Variants in PRH1 observed in about 807,000 individuals in gnomAD.
PRH1 encodes proline rich protein HaeIII subfamily 1.
In PRH1, 7 loss-of-function variants were observed where a neutral mutation model predicts 7.9. That is an observed-to-expected ratio of 0.89 (90% CI 0.50 to 1.67). The LOEUF (loss-of-function observed/expected upper bound fraction) is 1.67. Ranked by LOEUF, PRH1 falls within the 40% of genes most tolerant of loss-of-function variation. PRH1 has a pLI of 0.00. For missense variants in PRH1, 109 were observed against 223.6 expected (o/e 0.49, Z 3.27); for synonymous variants, 45 against 80.8 (o/e 0.56, Z 2.38).
At chr12:11,086,128 C>G (rs1408769960) in intron 1 of PRH1, among the ~76,000 whole-genome samples, 32,317 of 81,730 alleles carry the variant, frequency 0.4, 3,168 homozygotes, top group Non-Finnish European at 0.49. Flanking sequence ...ACACACCCCT[C>G]ATGGTTGAGT....
chr12:10,929,599 G>T (rs1414540179), intron 2 of PRH1, among the ~76,000 whole-genome samples: 1 of 152,200 alleles, frequency 6.6e-6, no homozygotes, highest in Non-Finnish European at 1.5e-5. Context: ...ACATGGGACT[G>T]CTGGGAAGGA....
At position 11,018,979 on chromosome 12, in the gene PRH1, A is replaced by G. The variant is rs143046500; in HGVS notation, c.-126+28041T>C. On this transcript the variant is annotated intron_variant, in intron 1 of 3. Coordinates refer to the PRH1 transcript ENST00000539853. ...AGTAGAAAGCGGGGAAACATAGGGA[A>G]AGGGGAGAGGAAAAGAGAAAAAATA... 3.8e-3 allele frequency among the ~76,000 whole-genome samples: 567 copies of G among 148,940 alleles called. 2 individuals are homozygous for G. The highest frequency in any genetic ancestry group is 0.013 in the African/African-American group (547 of 41,220).
At chr12:11,022,241 C>T (rs2136075050) in intron 1 of PRH1, 1 of 1,614,128 alleles carries the variant, frequency 6.2e-7, no homozygotes, top group Non-Finnish European at 8.5e-7. Context: ...GAGAAATTGG[C>T]AATCTTGAGC....
Position 11,097,452 on chromosome 12 carries a change from T to A in PRH1, n.124-50264A>T, listed in dbSNP as rs1348078813. ...AATGTGTTATTTGCTGTATCTTTCT[T>A]ATTAAGGAATTTTATTTACACGAAA... On this transcript the variant is annotated intron_variant and non_coding_transcript_variant, in intron 1 of 4. Coordinates refer to the PRH1 transcript ENST00000541977. 6.1e-5 allele frequency among the ~76,000 whole-genome samples: 7 copies of A among 114,986 alleles called. 1 individual carries two copies. The Admixed American group carries it at 6.1e-4, about 10-fold the overall frequency. The allele number at this position is 114,986 out of a possible 152,430, so 75.4% of individuals were successfully genotyped here.
chr12:11,133,154 T>C lies in PRH1; in HGVS notation n.40-11974A>G, dbSNP rs190146389. 1,831 of 1,038,816 alleles carry C rather than the reference T, an allele frequency of 1.8e-3. 4 individuals are homozygous for C. Among genetic ancestry groups the C allele is most frequent in the Non-Finnish European group, 2.3e-3 (1,747 of 755,664 alleles). 64.3% of individuals were successfully genotyped at this position (1,038,816 alleles called of 1,614,324 possible). ...ACACACACACACACATCTATATATA[T>C]GTACTTTTCTAGACTAACTTTAGGT... is the stretch of plus-strand genomic sequence containing the variant. On this transcript the variant is annotated intron_variant and non_coding_transcript_variant, in intron 1 of 1. Coordinates refer to the PRH1 transcript ENST00000541175.
chr12:11,115,438 T>C (rs1945705074), intron 1 of PRH1, among the ~76,000 whole-genome samples: 1 of 152,042 alleles, frequency 6.6e-6, no homozygotes. Context: ...AAAGCCTCAA[T>C]ACAATAATAG....
At chr12:10,995,816 A>G (rs1940198452) in intron 1 of PRH1, among the ~76,000 whole-genome samples, 2 of 152,142 alleles carry the variant, frequency 1.3e-5, no homozygotes, top group African/African-American at 4.8e-5. Context: ...GCGTATGGAA[A>G]CTTATAACAG....
intron 1 of PRH1, among the ~76,000 whole-genome samples, chr12:10,996,232 C>T (rs990616641): frequency 7.3e-5 from 11 of 151,424 alleles, no homozygotes; most frequent in South Asian, 2.1e-4. Flanking sequence ...AGGAGGCTGA[C>T]GCATGGAAAT....
At chr12:11,021,075 C>T (rs1376067222) in intron 1 of PRH1, among the ~76,000 whole-genome samples, 1 of 148,656 alleles carries the variant, frequency 6.7e-6, no homozygotes, top group East Asian at 2.0e-4. Flanking sequence ...TTTTGGTATA[C>T]ATATACAAAA....
rs1001686234 is a variant in PRH1, at chr12:11,083,032, T to G, written n.124-35844A>C. Among the ~76,000 whole-genome samples the G allele has an allele frequency of 3.5e-5, 4 of 115,774 alleles. 1 individual carries two copies. Among genetic ancestry groups the G allele is most frequent in the Admixed American group, 2.6e-4 (3 of 11,470 alleles). The allele number at this position is 115,774 out of a possible 152,430, so 76.0% of individuals were successfully genotyped here. ...AATTTTTCTTGAATATTCAAAAAAT[T>G]TGTAATATCAAAATATTTTTTCACA... is the stretch of plus-strand genomic sequence containing the variant. On this transcript the variant is annotated intron_variant and non_coding_transcript_variant, in intron 1 of 4. Coordinates refer to the PRH1 transcript ENST00000541977.
chr12:10,950,510 C>G (rs141660047), intron 2 of PRH1, among the ~76,000 whole-genome samples: 1 of 151,490 alleles, frequency 6.6e-6, no homozygotes, highest in African/African-American at 2.4e-5. Flanking sequence ...TTTCATTCTA[C>G]GACTCTGATT....
At chr12:10,969,560 A>AT (rs111473064) in intron 2 of PRH1, among the ~76,000 whole-genome samples, 1 of 151,496 alleles carries the variant, frequency 6.6e-6, no homozygotes, top group Non-Finnish European at 1.5e-5. Flanking sequence ...TTTGCTAGCT[A>AT]TTTTTTTTCT....
chr12:10,979,192 G>A (rs7138953), intron 1 of PRH1, among the ~76,000 whole-genome samples: 44,342 of 152,062 alleles, frequency 0.29, 8,274 homozygotes, highest in East Asian at 0.74. Context: ...TATACAGCAA[G>A]TTCCCATGCC....
chr12:10,982,177 A>C (rs754186941), intron 1 of PRH1, among the ~76,000 whole-genome samples: 1 of 152,194 alleles, frequency 6.6e-6, no homozygotes, highest in East Asian at 1.9e-4. Flanking sequence ...ACATTATTGT[A>C]AGCAGGACCA....
At chr12:11,128,996 C>T (rs1330478282) in intron 1 of PRH1, among the ~76,000 whole-genome samples, 1 of 152,156 alleles carries the variant, frequency 6.6e-6, no homozygotes, top group Non-Finnish European at 1.5e-5. Flanking sequence ...AATCATAGCC[C>T]ACTGCAGCCT....
intron 2 of PRH1, among the ~76,000 whole-genome samples, chr12:10,957,488 CA>C (rs1172622091): frequency 5.3e-5 from 8 of 152,106 alleles, no homozygotes; most frequent in South Asian, 2.1e-4. Context: ...TAGTAAACAC[CA>C]TTCCTGCATA....
chr12:11,099,869 C>T (rs561583012), intron 1 of PRH1, among the ~76,000 whole-genome samples: 6 of 152,016 alleles, frequency 3.9e-5, no homozygotes, highest in African/African-American at 1.2e-4. Flanking sequence ...ATTGAGGAGC[C>T]GAAAGAAAAA....
At chr12:11,157,290 C>A (rs761012732) in intron 1 of PRH1, among the ~76,000 whole-genome samples, 1 of 152,122 alleles carries the variant, frequency 6.6e-6, no homozygotes, top group Non-Finnish European at 1.5e-5. Context: ...TCTCAAAATG[C>A]CATTACCATA....
chr12:11,162,174 G>GA (rs1219383750), intron 1 of PRH1, among the ~76,000 whole-genome samples: 1 of 152,156 alleles, frequency 6.6e-6, no homozygotes, highest in Non-Finnish European at 1.5e-5. Flanking sequence ...AGGATCCTCA[G>GA]AAAATGATGG....
Sources: gnomAD v4.1 joint callset for allele counts (sites outside exome capture counted in the v4.1 genomes callset) on GRCh38, gnomAD v4.1.1 for gene constraint, MANE v1.5 for transcripts, NCBI Gene and HGNC (gene_info 2026-07-23, HGNC 2026-07-21) for gene names.